The following CENPW variants were observed in gnomAD, a reference collection of about 807,000 sequenced individuals.
The protein encoded by CENPW is cancer-up-regulated gene 2 protein.
A neutral mutation model predicts 11.1 loss-of-function variants in CENPW; 3 were observed. That is an observed-to-expected ratio of 0.27 (90% CI 0.12 to 0.70). CENPW has a LOEUF of 0.70. CENPW is among the 30% of genes least tolerant of loss of function. The pLI, the probability that CENPW is intolerant of heterozygous loss-of-function variation, is 0.77. For synonymous variants in CENPW, 38 were observed against 42.0 expected (o/e 0.91, Z 0.37); for missense variants, 100 against 105.6 (o/e 0.95, Z 0.23).
chr6:126,390,803 T>C, the CENPW span, among the ~76,000 whole-genome samples: 1 of 152,026 alleles, frequency 6.6e-6, no homozygotes. Flanking sequence ...TGACGTGATC[T>C]TATTCTTTTT....
chr6:126,382,949 C>T, the CENPW span, among the ~76,000 whole-genome samples: 1 of 152,190 alleles, frequency 6.6e-6, no homozygotes, highest in East Asian at 1.9e-4. Flanking sequence ...CTGCAAAACA[C>T]TTCACAAGAA....
the CENPW span, among the ~76,000 whole-genome samples, chr6:126,383,145 C>G: frequency 1.3e-5 from 2 of 152,040 alleles, no homozygotes; most frequent in Non-Finnish European, 2.9e-5. Flanking sequence ...AAGAGAAATT[C>G]CAACCAAGAA....
At chr6:126,414,876 AAAG>A in the CENPW span, among the ~76,000 whole-genome samples, 1 of 151,618 alleles carries the variant, frequency 6.6e-6, no homozygotes, top group Admixed American at 6.6e-5. Flanking sequence ...TTTAGGAAAA[AAAG>A]AAGACTCACA....
chr6:126,428,008 A>T, the CENPW span, among the ~76,000 whole-genome samples: 2 of 152,234 alleles, frequency 1.3e-5, no homozygotes, highest in Non-Finnish European at 2.9e-5. Flanking sequence ...CACCTCTCCT[A>T]ACGAAATTAC....
At chr6:126,359,903 T>G in the CENPW span, among the ~76,000 whole-genome samples, 1 of 152,160 alleles carries the variant, frequency 6.6e-6, no homozygotes, top group Admixed American at 6.5e-5. Flanking sequence ...CTCTACCTTT[T>G]AAGTGGAATG....
At chr6:126,397,487 G>T in the CENPW span, among the ~76,000 whole-genome samples, 1 of 152,088 alleles carries the variant, frequency 6.6e-6, no homozygotes, top group African/African-American at 2.4e-5. Flanking sequence ...TCTTCAGTGC[G>T]TCTTTCAGTA....
At chr6:126,428,576 G>C in the CENPW span, among the ~76,000 whole-genome samples, 1 of 152,080 alleles carries the variant, frequency 6.6e-6, no homozygotes, top group African/African-American at 2.4e-5. Context: ...ATTCACATGG[G>C]AACACCCGCT....
At chr6:126,408,053 T>G in the CENPW span, among the ~76,000 whole-genome samples, 1 of 152,162 alleles carries the variant, frequency 6.6e-6, no homozygotes, top group Non-Finnish European at 1.5e-5. Flanking sequence ...TCTAGAGTTT[T>G]TATAGTTTTG....
the CENPW span, among the ~76,000 whole-genome samples, chr6:126,481,095 C>A: frequency 6.6e-6 from 1 of 151,914 alleles, no homozygotes; most frequent in Admixed American, 6.6e-5. Flanking sequence ...TAAATTATAA[C>A]TAATTTATTT....
chr6:126,423,275 T>C, the CENPW span, among the ~76,000 whole-genome samples: 1 of 152,084 alleles, frequency 6.6e-6, no homozygotes, highest in East Asian at 1.9e-4. Flanking sequence ...CCAATATGTG[T>C]TGCTTTTGAA....
the CENPW span, among the ~76,000 whole-genome samples, chr6:126,470,683 G>C: frequency 6.6e-6 from 1 of 152,232 alleles, no homozygotes; most frequent in Non-Finnish European, 1.5e-5. Context: ...AGCCACGGGG[G>C]CTGTGCCCTG....
the CENPW span, among the ~76,000 whole-genome samples, chr6:126,452,713 C>A: frequency 3.3e-5 from 5 of 150,990 alleles, no homozygotes; most frequent in African/African-American, 9.7e-5. Context: ...CTGAAAAAAA[C>A]TTTTTGAAAA....
At chr6:126,343,373 T>C (rs1780349897) in intron 1 of CENPW, among the ~76,000 whole-genome samples, 1 of 152,206 alleles carries the variant, frequency 6.6e-6, no homozygotes, top group Non-Finnish European at 1.5e-5. Context: ...AAAGTAATAC[T>C]AATTTGTCTC....
the CENPW span, among the ~76,000 whole-genome samples, chr6:126,372,454 G>A: frequency 4.5e-4 from 69 of 151,980 alleles, no homozygotes; most frequent in East Asian, 2.9e-3. Context: ...TAATACTTGC[G>A]ATCTCAGTTG....
chr6:126,471,580 T>A, the CENPW span, among the ~76,000 whole-genome samples: 3 of 152,176 alleles, frequency 2.0e-5, no homozygotes, highest in Non-Finnish European at 4.4e-5. Flanking sequence ...AACACTGGAA[T>A]GGATAAATAT....
the CENPW span, among the ~76,000 whole-genome samples, chr6:126,363,996 C>G: frequency 8.5e-4 from 130 of 152,278 alleles, no homozygotes; most frequent in Non-Finnish European, 2.1e-4. Context: ...TTTTATGATG[C>G]TTCTCTAGGA....
intron 1 of CENPW, among the ~76,000 whole-genome samples, chr6:126,345,766 T>G (rs1040655542): frequency 6.6e-6 from 1 of 152,156 alleles, no homozygotes; most frequent in African/African-American, 2.4e-5. Flanking sequence ...TCAAATTAAA[T>G]ATATCTGTTT....
At chr6:126,400,208 G>A in the CENPW span, among the ~76,000 whole-genome samples, 1 of 152,046 alleles carries the variant, frequency 6.6e-6, no homozygotes, top group Admixed American at 6.6e-5. Flanking sequence ...CCACAGAAAT[G>A]TATGAGAATA....
the CENPW span, among the ~76,000 whole-genome samples, chr6:126,441,199 C>A: frequency 6.6e-6 from 1 of 151,344 alleles, no homozygotes; most frequent in South Asian, 2.1e-4. Flanking sequence ...TTATGGCTAG[C>A]AACGATCTAA....
Sources: allele counts gnomAD v4.1 joint callset (sites outside exome capture counted in the v4.1 genomes callset), GRCh38; gene constraint gnomAD v4.1.1; transcripts MANE v1.5; gene names NCBI Gene and HGNC (gene_info 2026-07-23, HGNC 2026-07-21).